SLC13A5: variants seen among roughly 807,000 people sequenced by gnomAD.
SLC13A5 encodes Na(+)/citrate cotransporter.
In SLC13A5, 25 loss-of-function variants were observed where a neutral mutation model predicts 56.5. That is an observed-to-expected ratio of 0.44 (90% CI 0.32 to 0.62). SLC13A5 has a LOEUF of 0.62. Ranked by LOEUF, SLC13A5 falls within the 20% of genes least tolerant of loss-of-function variation. The pLI, the probability that SLC13A5 is intolerant of heterozygous loss-of-function variation, is 0.04. For synonymous variants in SLC13A5, 307 were observed against 301.5 expected, an observed-to-expected ratio of 1.02 and a Z score of -0.19; for missense variants, 649 against 737.8, an observed-to-expected ratio of 0.88 and a Z score of 1.39.
intron 6 of SLC13A5, among the ~76,000 whole-genome samples, chr17:6,699,342 G>T (rs1021499199): frequency 6.6e-6 from 1 of 152,116 alleles, no homozygotes; most frequent in Non-Finnish European, 1.5e-5. Flanking sequence ...GCCAGGCTGG[G>T]TGGCCAGGCA....
Position 6,703,068 on chromosome 17 carries a change from C to T in SLC13A5, c.618G>A (p.Lys206=). Reference sequence around the variant, plus strand: ...CGTAGCAGATGCACAGGGTCATGGCCTTACACAACCTCTTCCGCTCTTGGT... The same window carrying T: ...CGTAGCAGATGCACAGGGTCATGGCTTTACACAACCTCTTCCGCTCTTGGT... ...QEDQERKRLC[K]AMTLCICYAA... is the part of the protein sequence containing the mutation. Residue 206 remains lysine, a synonymous_variant, in exon 5 of 12, where the codon AAG becomes AAA. Transcript: ENST00000433363. The T allele has an allele frequency of 1.2e-6, 2 of 1,614,222 alleles. No individual in the cohort carries two copies. Among genetic ancestry groups the T allele is most frequent in the Non-Finnish European group, 1.7e-6 (2 of 1,180,042 alleles).
chr17:6,698,691 G>GAAT (rs1242852231), intron 6 of SLC13A5, among the ~76,000 whole-genome samples: 2 of 152,120 alleles, frequency 1.3e-5, no homozygotes, highest in Non-Finnish European at 2.9e-5. Context: ...TGTAAATTGG[G>GAAT]AATAATAATA....
rs218687 is a variant in SLC13A5 at position 6,685,528 on chromosome 17, C to A, written c.*679G>T. On this transcript the variant is annotated 3_prime_UTR_variant, in exon 12 of 12. Transcript: ENST00000433363. The surrounding 1 kb of genome is among the most constrained non-coding windows in gnomAD (Gnocchi z 4.2). ...TAAAACAGAACCAAGTGATGAAGGG[C>A]GTAGGTTGGCCTGTGGTGCACTGTG... is the stretch of plus-strand genomic sequence containing the variant. The A allele has an allele frequency of 0.1, 15,324 of 152,652 alleles. 841 individuals carry two copies. The highest frequency in any genetic ancestry group is 0.14 in the African/African-American group (5,942 of 41,518). 9.5% of individuals were successfully genotyped at this position (152,652 alleles called of 1,614,324 possible). A position where few individuals can be genotyped will look rare whatever the true frequency, so the allele number is the denominator to read the frequency against.
In SLC13A5 at chr17:6,701,867, G is replaced by A. The variant is rs77035049; in HGVS notation, c.717-741C>T. On this transcript the variant is annotated intron_variant, in intron 5 of 11. Transcript: ENST00000433363. This position sits in a 1 kb window ranked among gnomAD's most constrained non-coding sequence, Gnocchi z 4.1. ...GGAAATCTCAAAAGCTTCCCAGAGC[G>A]GAGGCTGGAGGAGGGTCACTTCCAC... 0.03 allele frequency among the ~76,000 whole-genome samples: 4,586 copies of A among 152,228 alleles called. 116 individuals are homozygous for A. Among genetic ancestry groups the A allele is most frequent in the African/African-American group, 0.063 (2,607 of 41,522 alleles).
In SLC13A5 at chr17:6,711,311, A is replaced by C. The variant is rs542878223; in HGVS notation, c.102+1921T>G. On this transcript the variant is annotated intron_variant, in intron 1 of 11. Coordinates refer to ENST00000433363, the MANE Select transcript of SLC13A5 (RefSeq NM_177550.5). The surrounding 1 kb of genome is among the most constrained non-coding windows in gnomAD (Gnocchi z 4.0). ...AGACAAGGTCCAGGGTCCTCACCCA[A>C]CCCCGCCAGAAGGAAAGCTCGTGAA... Among the ~76,000 whole-genome samples the C allele has an allele frequency of 6.6e-6, 1 of 152,136 alleles. No individual in the cohort carries two copies. The highest frequency in any genetic ancestry group is 6.5e-5 in the Admixed American group (1 of 15,298).
Position 6,695,779 on chromosome 17 carries a change from G to A in SLC13A5, c.1002C>T (p.Asp334=), listed in dbSNP as rs765942920. 2 of 1,614,162 alleles carry A rather than the reference G, an allele frequency of 1.2e-6. No individual in the cohort carries two copies. Among genetic ancestry groups the A allele is most frequent in the African/African-American group, 1.3e-5 (1 of 75,042 alleles). ...FLLVILWFSR[D]PGFMPGWLTV... Reference sequence around the variant, plus strand: ...TCAGCCAGCCGGGCATGAAGCCGGGGTCTCGGGAGAACCACAGGATGACCA... The same window carrying A: ...TCAGCCAGCCGGGCATGAAGCCGGGATCTCGGGAGAACCACAGGATGACCA... The change falls in exon 7 of 12, where the codon GAC becomes GAT. Residue 334 remains aspartate, a synonymous_variant. Transcript: ENST00000433363.
chr17:6,687,933 C>T lies in SLC13A5; in HGVS notation c.1438-267G>A, dbSNP rs1973293978. ...TGGGCACCTACTATGTGCCAGAGAC[C>T]ATGCTGAGTACTTAGACTGTGCTCA... On this transcript the variant is annotated intron_variant, in intron 10 of 11. Transcript: ENST00000433363. The surrounding 1 kb of genome is among the most constrained non-coding windows in gnomAD (Gnocchi z 5.0). 1 of 365,696 alleles carries T rather than the reference C, an allele frequency of 2.7e-6. No homozygotes were observed. The highest frequency in any genetic ancestry group is 5.6e-5 in the East Asian group (1 of 17,936). 22.7% of individuals were successfully genotyped at this position (365,696 alleles called of 1,614,324 possible).
rs547474199 is a variant in SLC13A5 at position 6,693,098 on chromosome 17, G to A, written c.1221C>T (p.Pro407=). The A allele has an allele frequency of 1.9e-6, 3 of 1,613,706 alleles. No homozygotes were observed. Among genetic ancestry groups the A allele is most frequent in the South Asian group, 2.2e-5 (2 of 91,046 alleles). Residue 407 remains proline (P), a synonymous_variant, in exon 9 of 12, where the codon CCC becomes CCT. Transcript: ENST00000433363. ...CCCCTAGTAGCAGCACGATGCCCCA[G>A]GGCACTTTCTCCTGGGTTACCTTCC... is the stretch of plus-strand genomic sequence containing the variant. ...LDWKVTQEKV[P]WGIVLLLGGG...
At position 6,693,164 on chromosome 17, in the gene SLC13A5, T is replaced by C. The variant is rs746310223; in HGVS notation, c.1157-2A>G. 1.9e-6 allele frequency: 3 copies of C among 1,559,116 alleles called. No homozygotes were observed. Among genetic ancestry groups the C allele is most frequent in the Middle Eastern group, 1.7e-4 (1 of 5,902 alleles). ...GGGGATAAAATGGAGTTTTCCTTTC[T>C]GGGAAGAAAAAGAAACACACACACA... On this transcript the variant is annotated splice_acceptor_variant, in intron 8 of 11. Coordinates refer to ENST00000433363, the MANE Select transcript of SLC13A5 (RefSeq NM_177550.5). LOFTEE classifies it high-confidence loss of function.
intron 5 of SLC13A5, among the ~76,000 whole-genome samples, chr17:6,702,730 G>C (rs1973745745): frequency 6.6e-6 from 1 of 152,206 alleles, no homozygotes; most frequent in Non-Finnish European, 1.5e-5. Flanking sequence ...AAGCAGACTG[G>C]GACGTTAGCT....
In SLC13A5 at chr17:6,698,682, G is replaced by A. The variant is rs148373720; in HGVS notation, c.839+2322C>T. Reference sequence around the variant, plus strand: ...TCTCCATGCCTCAGTTGCCTTGTCTGTAAATTGGGAATAATAATAATAGTG... The same window carrying A: ...TCTCCATGCCTCAGTTGCCTTGTCTATAAATTGGGAATAATAATAATAGTG... On this transcript the variant is annotated intron_variant, in intron 6 of 11. Transcript: ENST00000433363. Among the ~76,000 whole-genome samples the A allele has an allele frequency of 6.5e-3, 987 of 152,326 alleles. 11 individuals are homozygous for A. Among genetic ancestry groups the A allele is most frequent in the African/African-American group, 0.021 (877 of 41,568 alleles).
rs925498400 is a variant in SLC13A5 at position 6,711,063 on chromosome 17, C to T, written c.102+2169G>A. Among the ~76,000 whole-genome samples, 17 of 151,876 alleles carry T rather than the reference C, an allele frequency of 1.1e-4. No homozygotes were observed. The highest frequency in any genetic ancestry group is 2.1e-4 in the Non-Finnish European group (14 of 67,972). On this transcript the variant is annotated intron_variant, in intron 1 of 11. Transcript: ENST00000433363. This position sits in a 1 kb window ranked among gnomAD's most constrained non-coding sequence, Gnocchi z 4.0. ...TGGAGACAGGAAAACTGGAGACAGT[C>T]GGTGAGGAGAGAGGCCTGGGTGTTG...
At chr17:6,698,593 GC>G (rs974033381) in intron 6 of SLC13A5, among the ~76,000 whole-genome samples, 2 of 152,216 alleles carry the variant, frequency 1.3e-5, no homozygotes, top group African/African-American at 4.8e-5. Flanking sequence ...GAGCCAAAGG[GC>G]CTGGGTTCAA....
Position 6,693,573 on chromosome 17 carries a change from CA to C in SLC13A5, c.1157-412del, listed in dbSNP as rs113252176. On this transcript the variant is annotated intron_variant, in intron 8 of 11. Transcript: ENST00000433363. ...ATTTATGAAAATAAAAAATTCAAAA[CA>C]GCCAAAATGTTCTATAACAGGAGAA... 5.2e-3 allele frequency: 830 copies of C among 161,068 alleles called. 6 individuals are homozygous for C. Among genetic ancestry groups the C allele is most frequent in the African/African-American group, 0.018 (762 of 41,730 alleles). The allele number at this position is 161,068 out of a possible 1,614,324, so 10.0% of individuals were successfully genotyped here.
chr17:6,686,205 T>A lies in SLC13A5; in HGVS notation c.*2A>T. 1 of 1,614,114 alleles carries A rather than the reference T, an allele frequency of 6.2e-7. No individual in the cohort carries two copies. Among genetic ancestry groups the A allele is most frequent in the Non-Finnish European group, 8.5e-7 (1 of 1,180,000 alleles). On this transcript the variant is annotated 3_prime_UTR_variant, in exon 12 of 12. Coordinates refer to ENST00000433363, the MANE Select transcript of SLC13A5 (RefSeq NM_177550.5). The stretch of plus-strand genomic sequence containing the variant: ...GCTGTGTGTGTGGTCTTGTGGCTCT[T>A]CCTAAGTCTCAATATGTGTCACATT...
intron 3 of SLC13A5, chr17:6,704,279 AC>A (rs1277438101): frequency 1.0e-5 from 7 of 676,876 alleles, no homozygotes; most frequent in African/African-American, 1.8e-5. Flanking sequence ...CCTCTCCCAC[AC>A]CCATGACTGA....
intron 1 of SLC13A5, among the ~76,000 whole-genome samples, chr17:6,709,035 G>A (rs1392053186): frequency 7.0e-6 from 1 of 141,960 alleles, no homozygotes. Flanking sequence ...CTGTTGCCCA[G>A]GTGGGAGTGA....
At position 6,687,607 on chromosome 17, in the gene SLC13A5, G is replaced by A. The variant is rs949451311; in HGVS notation, c.1497C>T (p.Ser499=). The change falls in exon 11 of 12, where the codon TCC becomes TCT. Residue 499 remains serine (S), a synonymous_variant. Transcript: ENST00000433363. The surrounding 1 kb of genome is among the most constrained non-coding windows in gnomAD (Gnocchi z 5.0). The part of the protein sequence containing the change: ...YIMLPCTLSA[S]FAFMLPVATP... ...TGGCCACAGGCAACATGAAGGCAAA[G>A]GAGGCACTCAGGGTACAGGGCAGCA... The A allele has an allele frequency of 1.2e-6, 2 of 1,613,818 alleles. No homozygotes were observed. Among genetic ancestry groups the A allele is most frequent in the Admixed American group, 1.7e-5 (1 of 59,950 alleles).
chr17:6,706,655 C>A lies in SLC13A5; in HGVS notation c.355G>T (p.Ala119Ser). The A allele has an allele frequency of 6.2e-7, 1 of 1,613,302 alleles. No individual in the cohort carries two copies. ...IALRTLLWVG[A>S]KPARLMLGFM... is the part of the protein sequence containing the mutation. Reference sequence around the variant, plus strand: ...AGGCGTAATTACCGTGCAGGCTTGGCCCCCACCCAGAGGAGCGTGCGCAGG... The same window carrying A: ...AGGCGTAATTACCGTGCAGGCTTGGACCCCACCCAGAGGAGCGTGCGCAGG... The change falls in exon 3 of 12, where the codon GCC becomes TCC. Residue 119 changes from alanine (A) to serine (S), a missense_variant. Physicochemically the swap from Ala to Ser is moderately conservative, Grantham distance 99. Coordinates refer to ENST00000433363, the MANE Select transcript of SLC13A5 (RefSeq NM_177550.5).
Sources: allele counts gnomAD v4.1 joint callset (sites outside exome capture counted in the v4.1 genomes callset), GRCh38; gene constraint gnomAD v4.1.1; non-coding constraint Gnocchi (gnomAD v3.1); transcripts MANE v1.5; gene names NCBI Gene and HGNC (gene_info 2026-07-23, HGNC 2026-07-21).